Variants in ATM observed in about 807,000 individuals in gnomAD.
The protein encoded by ATM is serine-protein kinase ATM.
Under a neutral mutation model 387.0 loss-of-function variants are expected in ATM, and 308 were observed. That is an observed-to-expected ratio of 0.80 (90% CI 0.73 to 0.87). The LOEUF is 0.87. Among genes scored for constraint, ATM ranks in the 40% least tolerant of loss-of-function variants. The pLI is 0.00. For missense variants in ATM, 3,312 were observed against 3,560.9 expected (o/e 0.93, Z 1.78); for synonymous variants, 1,156 against 1,187.3 (o/e 0.97, Z 0.54).
At chr11:108,279,727 G>T in intron 23 of ATM, 119 bp downstream of exon 23, 1 of 805,704 alleles carries the variant, frequency 1.2e-6, no homozygotes, top group Non-Finnish European at 2.1e-6. Context: ...GTATAAAGCT[G>T]CTCTAAAACA....
chr11:108,336,041 A>T, intron 56 of ATM, 80 bp downstream of exon 56: 1 of 1,096,294 alleles, frequency 9.1e-7, no homozygotes, highest in Non-Finnish European at 1.4e-6. Flanking sequence ...TCATGCCCAT[A>T]TTCATAATGC....
intron 40 of ATM, among the ~76,000 whole-genome samples, chr11:108,315,365 G>T (rs1045958864): frequency 1.3e-5 from 2 of 152,168 alleles, no homozygotes; most frequent in African/African-American, 4.8e-5. Flanking sequence ...TACAGTGTGT[G>T]TGTGTAAGTT....
Position 108,284,491 on chromosome 11 carries a change from A to G in ATM, c.3993+18A>G, listed in dbSNP as rs201171518. ...GAAAACAGGTATGGCTTCAATTTTTATGTACTTTTCATTCCCTGAATGATA... is the reference window on the plus strand; with the variant it reads ...GAAAACAGGTATGGCTTCAATTTTTGTGTACTTTTCATTCCCTGAATGATA... On this transcript the variant is annotated intron_variant, in intron 26 of 62. Transcript: ENST00000675843. 19 of 1,613,316 alleles carry G rather than the reference A, an allele frequency of 1.2e-5. No homozygotes were observed. Among genetic ancestry groups the G allele is most frequent in the Non-Finnish European group, 1.5e-5 (18 of 1,179,590 alleles).
intron 9 of ATM, among the ~76,000 whole-genome samples, chr11:108,250,111 AC>A (rs201680561): frequency 0.011 from 1,721 of 150,424 alleles, 38 homozygotes; most frequent in African/African-American, 0.04. Context: ...GCAAGGATGT[AC>A]AAGATAACTC....
Position 108,282,847 on chromosome 11 carries a change from A to G in ATM, c.3714A>G (p.Leu1238=), listed in dbSNP as rs2082306739. The G allele has an allele frequency of 1.3e-6, 2 of 1,520,358 alleles. No individual in the cohort carries two copies. The highest frequency in any genetic ancestry group is 2.3e-5 in the East Asian group (1 of 44,292). 94.2% of individuals were successfully genotyped at this position (1,520,358 alleles called of 1,614,324 possible). A position where few individuals can be genotyped will look rare whatever the true frequency, so the allele number is the denominator to read the frequency against. Residue 1238 remains leucine (L), a synonymous_variant, in exon 25 of 63, where the codon TTA becomes TTG. Transcript: ENST00000675843. ...ACTTATCTTCTTTTCCTTTTATTTTATTAAACTACACAAATATTGAGGATT... is the reference window on the plus strand; with the variant it reads ...ACTTATCTTCTTTTCCTTTTATTTTGTTAAACTACACAAATATTGAGGATT... ...EYNLSSFPFI[L]LNYTNIEDFY...
intron 4 of ATM, among the ~76,000 whole-genome samples, chr11:108,231,846 C>T (rs567568273): frequency 2.6e-5 from 4 of 152,238 alleles, no homozygotes; most frequent in Admixed American, 2.6e-4. Flanking sequence ...TCTACCTCCT[C>T]TGAGATGCGA....
At position 108,248,985 on chromosome 11, in the gene ATM, C is replaced by G. The variant is rs876659275; in HGVS notation, c.1118C>G (p.Thr373Arg). 1 of 1,612,586 alleles carries G rather than the reference C, an allele frequency of 6.2e-7. No homozygotes were observed. Among genetic ancestry groups the G allele is most frequent in the Non-Finnish European group, 8.5e-7 (1 of 1,178,866 alleles). Residue 373 changes from threonine to arginine, a missense_variant, in exon 9 of 63, where the codon ACA becomes AGA. Around this residue, in one of 4 missense-constraint regions of ATM, gnomAD observed 1,791 missense variants for 1,804.5 expected, o/e 0.99. Coordinates refer to ENST00000675843, the MANE Select transcript of ATM (RefSeq NM_000051.4). ...SLEISQSYTT[T>R]QRESSDYSVP... ...GAGATTTCTCAATCTTACACTACTA[C>G]ACAAAGAGAATCTAGTGATTACAGT... is the stretch of plus-strand genomic sequence containing the variant.
chr11:108,243,435 A>G (rs1449334594), intron 5 of ATM, among the ~76,000 whole-genome samples: 1 of 152,152 alleles, frequency 6.6e-6, no homozygotes, highest in Non-Finnish European at 1.5e-5. Context: ...CAACACGGTG[A>G]AACCCCATCT....
intron 56 of ATM, among the ~76,000 whole-genome samples, 196 bp from the exon 57 acceptor site, chr11:108,343,026 A>C (rs1733255673): frequency 6.6e-6 from 1 of 152,202 alleles, no homozygotes; most frequent in African/African-American, 2.4e-5. Context: ...TCTAGGCAGC[A>C]GGCTGGAAAA....
chr11:108,321,525 G>A (rs938906051), intron 45 of ATM, 105 bp downstream of exon 45: 63 of 1,523,124 alleles, frequency 4.1e-5, no homozygotes, highest in Non-Finnish European at 5.4e-5. Flanking sequence ...GCTCATGCCT[G>A]TAATCCTAGC....
chr11:108,312,419 C>A lies in ATM; in HGVS notation c.5927C>A (p.Ala1976Glu). The A allele has an allele frequency of 6.3e-7, 1 of 1,590,942 alleles. No individual in the cohort carries two copies. Among genetic ancestry groups the A allele is most frequent in the Admixed American group, 1.7e-5 (1 of 59,968 alleles). ...GTTCTTGTGACAAACAGAAGTCTTG[C>A]ATTTGAAGAAGGAAGCCAGAGTACA... ...SMDDQEKRSL[A>E]FEEGSQSTTI... is the part of the protein sequence containing the mutation. Residue 1976 changes from alanine (A) to glutamate (E), a missense_variant, in exon 40 of 63, where the codon GCA becomes GAA. Ala to Glu is a moderately radical substitution (Grantham distance 107, BLOSUM62 -1). This residue lies in a region of ATM where 1,405 missense variants were observed against 1,604.4 expected (regional missense o/e 0.88). Coordinates refer to ENST00000675843, the MANE Select transcript of ATM (RefSeq NM_000051.4).
chr11:108,281,126 A>G lies in ATM; in HGVS notation c.3534A>G (p.Lys1178=), dbSNP rs2082212200. Residue 1178 remains lysine, a synonymous_variant, in exon 24 of 63, where the codon AAA becomes AAG. Coordinates refer to ENST00000675843, the MANE Select transcript of ATM (RefSeq NM_000051.4). The part of the protein sequence containing the change: ...CEKQALFALC[K]SVKENGLEPH... ...AACAGGCTTTGTTTGCCCTGTGTAA[A>G]TCTGTGAAAGAGAATGGATTAGAAC... 1 of 1,613,880 alleles carries G rather than the reference A, an allele frequency of 6.2e-7. No individual in the cohort carries two copies. Among genetic ancestry groups the G allele is most frequent in the African/African-American group, 1.3e-5 (1 of 74,912 alleles).
rs786201609 is a variant in ATM, at chr11:108,301,660, A to G, written c.5190A>G (p.Arg1730=). The G allele has an allele frequency of 9.3e-6, 15 of 1,613,726 alleles. No individual in the cohort carries two copies. The highest frequency in any genetic ancestry group is 1.2e-5 in the Non-Finnish European group (14 of 1,179,754). The change falls in exon 35 of 63, where the codon CGA becomes CGG. Residue 1730 remains arginine (R), a synonymous_variant. Coordinates refer to ENST00000675843, the MANE Select transcript of ATM (RefSeq NM_000051.4). ...NTLVEDCVKV[R]SAAVTCLKNI... ...TTGTTTTTTTCAGTGTCAAAGTTCG[A>G]TCAGCAGCTGTTACCTGTTTGAAAA...
Position 108,228,504 on chromosome 11 carries a change from T to C in ATM, c.185+616T>C, listed in dbSNP as rs4987905. Reference sequence around the variant, plus strand: ...TATTTTAAATACTGAGAGTATTAAATAAACTAGAAATAACATTTGTAGTCA... The same window carrying C: ...TATTTTAAATACTGAGAGTATTAAACAAACTAGAAATAACATTTGTAGTCA... On this transcript the variant is annotated intron_variant, in intron 3 of 62. Transcript: ENST00000675843. 0.011 allele frequency among the ~76,000 whole-genome samples: 1,748 copies of C among 152,304 alleles called. 37 individuals carry two copies. Among genetic ancestry groups the C allele is most frequent in the African/African-American group, 0.04 (1,655 of 41,570 alleles).
chr11:108,240,037 G>A (rs1051851532), intron 5 of ATM, among the ~76,000 whole-genome samples: 4 of 152,166 alleles, frequency 2.6e-5, no homozygotes, highest in Non-Finnish European at 4.4e-5. Context: ...CACACAGCAT[G>A]CCCTACTGTC....
At chr11:108,282,662 T>C (rs2082289537) in intron 24 of ATM, 48 bp from the exon 25 acceptor site, 1 of 1,543,154 alleles carries the variant, frequency 6.5e-7, no homozygotes, top group South Asian at 1.1e-5. Context: ...ATTTAAATGA[T>C]TTATTTTTTT....
chr11:108,262,333 A>G (rs1485494920), intron 16 of ATM, among the ~76,000 whole-genome samples: 1 of 151,790 alleles, frequency 6.6e-6, no homozygotes, highest in Non-Finnish European at 1.5e-5. Flanking sequence ...AATATTCAAC[A>G]TTCTTAAAGA....
In ATM at chr11:108,304,822, C is replaced by T. The variant is rs786204433; in HGVS notation, c.5644C>T (p.Arg1882Ter). 8 of 1,613,926 alleles carry T rather than the reference C, an allele frequency of 5.0e-6. No homozygotes were observed. The highest frequency in any genetic ancestry group is 1.6e-4 in the Middle Eastern group (1 of 6,084). ...TCTTCGACACTTCTCGCAAACGAGC[C>T]GATCCACAACCCCTGCAAACTTGGA... is the stretch of plus-strand genomic sequence containing the variant. Reference protein sequence around the residue: ...SCLRHFSQTSRSTTPANLDSE... With the variant: ...SCLRHFSQTS Residue 1882 changes from arginine to a stop codon, truncating the protein, a stop_gained, in exon 37 of 63, where the codon CGA becomes TGA. Coordinates refer to ENST00000675843, the MANE Select transcript of ATM (RefSeq NM_000051.4). LOFTEE classifies it high-confidence loss of function.
At chr11:108,260,381 T>C (rs1042497031) in intron 16 of ATM, among the ~76,000 whole-genome samples, 4 of 152,176 alleles carry the variant, frequency 2.6e-5, no homozygotes, top group Non-Finnish European at 4.4e-5. Context: ...GTTTCTAGTT[T>C]TTTGGGTTAC....
Sources: allele counts gnomAD v4.1 joint callset (sites outside exome capture counted in the v4.1 genomes callset), GRCh38; gene constraint gnomAD v4.1.1; regional missense constraint gnomAD v4.1.1; transcripts MANE v1.5; gene names NCBI Gene and HGNC (gene_info 2026-07-23, HGNC 2026-07-21).